Variants in NRF1 observed in about 807,000 individuals in gnomAD.
NRF1 encodes the protein alpha palindromic-binding protein.
A neutral mutation model predicts 58.5 loss-of-function variants in NRF1; 5 were observed. That is an observed-to-expected ratio of 0.09 (90% CI 0.04 to 0.18). The LOEUF (loss-of-function observed/expected upper bound fraction) is 0.18. Among genes scored for constraint, NRF1 ranks in the 10% least tolerant of loss-of-function variants. The pLI is 1.00. For missense variants in NRF1, 288 were observed against 657.7 expected (o/e 0.44, Z 6.15); for synonymous variants, 224 against 246.7 (o/e 0.91, Z 0.86).
At chr7:129,642,759 T>TA (rs1801321128) in intron 1 of NRF1, among the ~76,000 whole-genome samples, 1 of 140,196 alleles carries the variant, frequency 7.1e-6, no homozygotes, top group East Asian at 2.5e-4. Context: ...TTTAAAAAAT[T>TA]TTTTTTTTTT....
intron 10 of NRF1, among the ~76,000 whole-genome samples, chr7:129,747,647 T>A (rs1210722743): frequency 6.6e-6 from 1 of 152,234 alleles, no homozygotes; most frequent in Non-Finnish European, 1.5e-5. Context: ...ATCACCATTT[T>A]ACATATGAGG....
At chr7:129,670,564 A>G (rs1802024231) in intron 2 of NRF1, among the ~76,000 whole-genome samples, 1 of 152,224 alleles carries the variant, frequency 6.6e-6, no homozygotes, top group Admixed American at 6.5e-5. Context: ...ATATATGCCA[A>G]TATACAGATG....
At chr7:129,625,086 ACT>A (rs911699073) in intron 1 of NRF1, among the ~76,000 whole-genome samples, 7 of 151,888 alleles carry the variant, frequency 4.6e-5, no homozygotes, top group South Asian at 2.1e-4. Context: ...CCCTCAGGAG[ACT>A]CTGGGGGAGA....
chr7:129,652,658 G>T (rs1476663255), intron 1 of NRF1, among the ~76,000 whole-genome samples: 1 of 151,982 alleles, frequency 6.6e-6, no homozygotes, highest in South Asian at 2.1e-4. Flanking sequence ...GTGCAGTGGC[G>T]CATCTCACTG....
At chr7:129,719,525 C>CACACACAG (rs1803268967) in intron 9 of NRF1, among the ~76,000 whole-genome samples, 1 of 150,278 alleles carries the variant, frequency 6.7e-6, no homozygotes, top group Non-Finnish European at 1.5e-5. Context: ...CACACACACA[C>CACACACAG]ACACACACAC....
intron 1 of NRF1, among the ~76,000 whole-genome samples, chr7:129,626,955 A>T (rs1006335271): frequency 6.6e-5 from 10 of 152,250 alleles, no homozygotes; most frequent in Admixed American, 1.3e-4. Flanking sequence ...GACTAGAGAC[A>T]TAGGTGAAGT....
At chr7:129,735,470 C>T (rs979488149) in intron 10 of NRF1, among the ~76,000 whole-genome samples, 1 of 151,844 alleles carries the variant, frequency 6.6e-6, no homozygotes, top group Non-Finnish European at 1.5e-5. Flanking sequence ...GCAGAGGTTG[C>T]GGTGAGCCAA....
chr7:129,624,472 T>G (rs1419175442), intron 1 of NRF1, among the ~76,000 whole-genome samples: 1 of 152,210 alleles, frequency 6.6e-6, no homozygotes, highest in Non-Finnish European at 1.5e-5. Flanking sequence ...TGGTACTATC[T>G]AACATTTTAT....
At chr7:129,673,122 G>A (rs1212039106) in intron 3 of NRF1, among the ~76,000 whole-genome samples, 1 of 152,164 alleles carries the variant, frequency 6.6e-6, no homozygotes, top group Non-Finnish European at 1.5e-5. Context: ...CTGCTGATGG[G>A]TTGAAAAAGA....
chr7:129,703,092 CTG>C (rs1393170165), intron 5 of NRF1, among the ~76,000 whole-genome samples: 1 of 152,166 alleles, frequency 6.6e-6, no homozygotes. Flanking sequence ...TTAAACCTAT[CTG>C]TGGTTTCCAC....
chr7:129,721,179 T>C (rs901924612), intron 9 of NRF1, among the ~76,000 whole-genome samples: 6 of 152,164 alleles, frequency 3.9e-5, no homozygotes, highest in Non-Finnish European at 8.8e-5. Flanking sequence ...CTCTTAAACA[T>C]GTCCTTCTAC....
At chr7:129,735,301 G>T in intron 10 of NRF1, 1 of 901,132 alleles carries the variant, frequency 1.1e-6, no homozygotes, top group South Asian at 5.1e-5. Context: ...GGATGCCGAC[G>T]CGGGCGGATC....
At chr7:129,673,672 G>T (rs1487425412) in intron 3 of NRF1, among the ~76,000 whole-genome samples, 1 of 137,238 alleles carries the variant, frequency 7.3e-6, no homozygotes, top group Non-Finnish European at 1.5e-5. Context: ...AGCGGAGATC[G>T]CGCCACAGCA....
intron 2 of NRF1, among the ~76,000 whole-genome samples, chr7:129,664,671 T>C (rs757748110): frequency 6.6e-6 from 1 of 152,250 alleles, no homozygotes; most frequent in Non-Finnish European, 1.5e-5. Flanking sequence ...CTTTGCTGTA[T>C]TACTGTACTG....
At chr7:129,618,663 C>A (rs558374862) in intron 1 of NRF1, among the ~76,000 whole-genome samples, 1 of 152,236 alleles carries the variant, frequency 6.6e-6, no homozygotes, top group East Asian at 1.9e-4. Flanking sequence ...CCACTGCACT[C>A]CAGCTTGGGT....
intron 4 of NRF1, among the ~76,000 whole-genome samples, chr7:129,687,894 T>C (rs1425793405): frequency 6.6e-6 from 1 of 152,218 alleles, no homozygotes; most frequent in East Asian, 1.9e-4. Context: ...CAAGCTTAGA[T>C]AGAAATGCTT....
At chr7:129,670,527 GTTTAT>G (rs1802023564) in intron 2 of NRF1, among the ~76,000 whole-genome samples, 1 of 152,074 alleles carries the variant, frequency 6.6e-6, no homozygotes, top group African/African-American at 2.4e-5. Context: ...TTACAGGGAG[GTTTAT>G]TTTATTTGAG....
chr7:129,719,154 C>T (rs1046501628), intron 9 of NRF1, among the ~76,000 whole-genome samples: 6 of 145,712 alleles, frequency 4.1e-5, no homozygotes, highest in Admixed American at 1.4e-4. Context: ...TTATTTGAAA[C>T]GGATTTTCAC....
intron 5 of NRF1, among the ~76,000 whole-genome samples, chr7:129,701,042 A>G (rs1208840873): frequency 1.3e-5 from 2 of 152,236 alleles, no homozygotes; most frequent in Non-Finnish European, 2.9e-5. Context: ...TAAAGAGAAG[A>G]AAATAGCCAT....
Sources: allele counts gnomAD v4.1 joint callset (sites outside exome capture counted in the v4.1 genomes callset), GRCh38; gene constraint gnomAD v4.1.1; transcripts MANE v1.5; gene names NCBI Gene and HGNC (gene_info 2026-07-23, HGNC 2026-07-21).